Variants in ADGRL2 observed in about 807,000 individuals in gnomAD.
ADGRL2 encodes the protein calcium-independent alpha-latrotoxin receptor 2.
In ADGRL2, 44 loss-of-function variants were observed where a neutral mutation model predicts 157.4. The observed-to-expected ratio is 0.28, with a 90% CI of 0.22 to 0.36. ADGRL2 has a LOEUF of 0.36. ADGRL2 is among the 10% of genes least tolerant of loss of function. The pLI is 1.00. For synonymous variants in ADGRL2, 585 were observed against 624.7 expected (o/e 0.94, Z 0.95); for missense variants, 1,510 against 1,768.9 (o/e 0.85, Z 2.63).
In ADGRL2 at chr1:81,481,465, T is replaced by G. The variant is rs562726172; in HGVS notation, c.-248+36376T>G. ...CCCTTGTAAGATTGCAGGGATGAGA[T>G]GTGGCCCTCGGCGCAGAAGCTCCCA... On this transcript the variant is annotated intron_variant, in intron 2 of 24. Coordinates refer to the ADGRL2 transcript ENST00000370721. Among the ~76,000 whole-genome samples, 3 of 152,290 alleles carry G rather than the reference T, an allele frequency of 2.0e-5. No individual in the cohort carries two copies. The South Asian group carries it at 6.2e-4, about 32-fold the overall frequency.
intron 3 of ADGRL2, among the ~76,000 whole-genome samples, chr1:81,628,775 T>C (rs1026655664): frequency 6.6e-6 from 1 of 152,200 alleles, no homozygotes; most frequent in Admixed American, 6.5e-5. Context: ...GGCATGCATA[T>C]GTTATAACCT....
In ADGRL2 at chr1:81,992,236, T is replaced by C. The variant is rs941766546; in HGVS notation, c.*1091T>C. 2 of 152,658 alleles carry C rather than the reference T, an allele frequency of 1.3e-5. No homozygotes were observed. The highest frequency in any genetic ancestry group is 3.9e-4 in the East Asian group (2 of 5,188). The allele number at this position is 152,658 out of a possible 1,614,324, so 9.5% of individuals were successfully genotyped here. A position where few individuals can be genotyped will look rare whatever the true frequency, so the allele number is the denominator to read the frequency against. Reference sequence around the variant, plus strand: ...AAACATAAATATTACTCTTCCATATTCCTTCTGCCTATATTTAGTAATTAA... The same window carrying C: ...AAACATAAATATTACTCTTCCATATCCCTTCTGCCTATATTTAGTAATTAA... On this transcript the variant is annotated 3_prime_UTR_variant, in exon 24 of 24. Coordinates refer to ENST00000686636, the MANE Select transcript of ADGRL2 (RefSeq NM_001366006.2).
chr1:81,510,149 C>T (rs2079049855), intron 2 of ADGRL2, among the ~76,000 whole-genome samples: 1 of 152,128 alleles, frequency 6.6e-6, no homozygotes, highest in Non-Finnish European at 1.5e-5. Context: ...AGTTATCTTG[C>T]TAATGAACTA....
chr1:81,915,241 A>G (rs747857442), intron 3 of ADGRL2, among the ~76,000 whole-genome samples: 3 of 151,966 alleles, frequency 2.0e-5, no homozygotes, highest in Non-Finnish European at 4.4e-5. Context: ...ACACCCAGCT[A>G]ATTTTTGAAA....
intron 3 of ADGRL2, among the ~76,000 whole-genome samples, chr1:81,605,379 A>G (rs1263956211): frequency 6.6e-6 from 1 of 152,208 alleles, no homozygotes; most frequent in African/African-American, 2.4e-5. Flanking sequence ...CAAACAAGAC[A>G]GTTATGGCCC....
chr1:81,490,714 AAC>A (rs751700242), intron 2 of ADGRL2, among the ~76,000 whole-genome samples: 13 of 152,336 alleles, frequency 8.5e-5, no homozygotes, highest in Non-Finnish European at 7.3e-5. Context: ...GAGAGCATAC[AAC>A]ACAGTCATTT....
intron 1 of ADGRL2, among the ~76,000 whole-genome samples, chr1:81,390,163 C>A (rs72939034): frequency 1.3e-5 from 2 of 151,768 alleles, no homozygotes; most frequent in Non-Finnish European, 2.9e-5. Context: ...CCAGAAGAGT[C>A]CTGCTTTTAT....
intron 2 of ADGRL2, among the ~76,000 whole-genome samples, chr1:81,477,833 G>A (rs1218674018): frequency 6.6e-6 from 1 of 152,138 alleles, no homozygotes; most frequent in Non-Finnish European, 1.5e-5. Flanking sequence ...GTCGTGTTGT[G>A]TTCTCTGTTT....
chr1:81,379,186 G>T (rs2076301858), intron 1 of ADGRL2, among the ~76,000 whole-genome samples: 1 of 152,116 alleles, frequency 6.6e-6, no homozygotes. Flanking sequence ...ATGTTCCCTC[G>T]TCTCCTCAAA....
At chr1:81,909,603 A>G (rs983102322) in intron 3 of ADGRL2, among the ~76,000 whole-genome samples, 4 of 152,208 alleles carry the variant, frequency 2.6e-5, no homozygotes, top group Non-Finnish European at 5.9e-5. Flanking sequence ...TTAAGCCAAG[A>G]TGCAAAGTAT....
At chr1:81,663,148 T>A (rs1403759177) in intron 3 of ADGRL2, among the ~76,000 whole-genome samples, 1 of 147,126 alleles carries the variant, frequency 6.8e-6, no homozygotes, top group Non-Finnish European at 1.5e-5. Context: ...CAAGAAAGCT[T>A]CTTTCCAAGA....
At chr1:81,744,750 G>T (rs1159301951) in intron 1 of ADGRL2, among the ~76,000 whole-genome samples, 1 of 152,086 alleles carries the variant, frequency 6.6e-6, no homozygotes, top group African/African-American at 2.4e-5. Context: ...TAGAGTGGAA[G>T]AACAAAACAG....
At chr1:81,795,200 G>A (rs1005685029) in intron 2 of ADGRL2, among the ~76,000 whole-genome samples, 1 of 151,998 alleles carries the variant, frequency 6.6e-6, no homozygotes, top group Non-Finnish European at 1.5e-5. Context: ...GCAACATAGG[G>A]AGACCCCGTC....
chr1:81,907,290 TAC>T (rs2094602943), intron 3 of ADGRL2, 60 bp downstream of exon 3: 2 of 1,433,666 alleles, frequency 1.4e-6, no homozygotes, highest in African/African-American at 1.4e-5. Context: ...GAAAAATTAT[TAC>T]AGTTATTCCA....
chr1:81,950,615 C>A, intron 7 of ADGRL2, 133 bp downstream of exon 7: 2 of 825,062 alleles, frequency 2.4e-6, no homozygotes, highest in South Asian at 1.9e-5. Flanking sequence ...GGTAATATAA[C>A]ATCTATGGAC....
intron 2 of ADGRL2, among the ~76,000 whole-genome samples, chr1:81,792,742 T>G (rs2087409960): frequency 6.6e-6 from 1 of 152,098 alleles, no homozygotes; most frequent in Non-Finnish European, 1.5e-5. Context: ...GTCTGATTTT[T>G]AAGGAAACAG....
intron 2 of ADGRL2, among the ~76,000 whole-genome samples, chr1:81,517,499 A>AACC (rs1020395154): frequency 9.9e-5 from 15 of 150,978 alleles, no homozygotes; most frequent in Middle Eastern, 6.8e-3. Context: ...AGGATGTCAA[A>AACC]ACCACGATCC....
At chr1:81,450,572 T>G (rs1375199124) in intron 2 of ADGRL2, among the ~76,000 whole-genome samples, 1 of 152,108 alleles carries the variant, frequency 6.6e-6, no homozygotes, top group African/African-American at 2.4e-5. Flanking sequence ...ACTACCTTTC[T>G]CACAGTGCTG....
At chr1:81,946,573 A>G (rs1481342517) in intron 6 of ADGRL2, among the ~76,000 whole-genome samples, 1 of 152,140 alleles carries the variant, frequency 6.6e-6, no homozygotes, top group Non-Finnish European at 1.5e-5. Flanking sequence ...TTATAAAGAA[A>G]ATGATGTGTT....
Sources: allele counts gnomAD v4.1 joint callset (sites outside exome capture counted in the v4.1 genomes callset), GRCh38; gene constraint gnomAD v4.1.1; transcripts MANE v1.5; gene names NCBI Gene and HGNC (gene_info 2026-07-23, HGNC 2026-07-21).